Variants in CRYL1 observed in about 807,000 individuals in gnomAD.
The protein encoded by CRYL1 is crystallin lambda 1.
A neutral mutation model predicts 36.6 loss-of-function variants in CRYL1; 29 were observed. The observed-to-expected ratio is 0.79, with a 90% CI of 0.59 to 1.08. The LOEUF (loss-of-function observed/expected upper bound fraction) is 1.08. Ranked by LOEUF, CRYL1 falls within the 50% of genes least tolerant of loss-of-function variation. The pLI, the probability that CRYL1 is intolerant of heterozygous loss-of-function variation, is 0.00. For synonymous variants in CRYL1, 152 were observed against 151.5 expected, an observed-to-expected ratio of 1.00 and a Z score of -0.02; for missense variants, 411 against 407.9, an observed-to-expected ratio of 1.01 and a Z score of -0.06.
intron 2 of CRYL1, among the ~76,000 whole-genome samples, chr13:20,499,040 G>T (rs1332125525): frequency 6.6e-6 from 1 of 152,198 alleles, no homozygotes; most frequent in East Asian, 1.9e-4. Flanking sequence ...TTAGGCTTAT[G>T]TGTTATGTTA....
intron 4 of CRYL1, among the ~76,000 whole-genome samples, chr13:20,438,969 C>T (rs2032292033): frequency 6.6e-6 from 1 of 152,090 alleles, no homozygotes; most frequent in South Asian, 2.1e-4. Context: ...ACTCATTGTC[C>T]CAGGCACCTC....
chr13:20,495,981 T>A (rs2033599062), intron 2 of CRYL1, among the ~76,000 whole-genome samples: 1 of 152,188 alleles, frequency 6.6e-6, no homozygotes, highest in Non-Finnish European at 1.5e-5. Context: ...TATTTTTTAG[T>A]GGAGACGGGT....
chr13:20,462,322 T>G (rs1174862595), intron 3 of CRYL1, among the ~76,000 whole-genome samples: 1 of 151,448 alleles, frequency 6.6e-6, no homozygotes, highest in Non-Finnish European at 1.5e-5. Context: ...ATTTCAACAC[T>G]CATACAATAA....
chr13:20,420,635 C>T (rs2031777835), intron 5 of CRYL1, among the ~76,000 whole-genome samples: 1 of 149,608 alleles, frequency 6.7e-6, no homozygotes, highest in Non-Finnish European at 1.5e-5. Context: ...AAAATGAAAG[C>T]AATTGACTTA....
At chr13:20,423,615 A>C (rs2031867441) in intron 5 of CRYL1, among the ~76,000 whole-genome samples, 1 of 151,658 alleles carries the variant, frequency 6.6e-6, no homozygotes, top group African/African-American at 2.4e-5. Flanking sequence ...ATTCCCCTTG[A>C]TTATGTTATT....
At chr13:20,433,519 T>C (rs1382672619) in intron 4 of CRYL1, among the ~76,000 whole-genome samples, 1 of 152,224 alleles carries the variant, frequency 6.6e-6, no homozygotes, top group Non-Finnish European at 1.5e-5. Context: ...AGGGCCATCC[T>C]GGGCACCTGC....
At chr13:20,485,458 T>C (rs1002641432) in intron 3 of CRYL1, among the ~76,000 whole-genome samples, 1 of 151,944 alleles carries the variant, frequency 6.6e-6, no homozygotes, top group African/African-American at 2.4e-5. Flanking sequence ...AGGTCAGGAG[T>C]TAGAGAGCAG....
chr13:20,415,401 G>A lies in CRYL1; in HGVS notation c.634-2014C>T, dbSNP rs2031635563. 6.6e-6 allele frequency among the ~76,000 whole-genome samples: 1 copy of A among 152,086 alleles called. No individual in the cohort carries two copies. Among genetic ancestry groups the A allele is most frequent in the Non-Finnish European group, 1.5e-5 (1 of 67,986 alleles). On this transcript the variant is annotated intron_variant, in intron 5 of 7. Transcript: ENST00000298248. The surrounding 1 kb of genome is among the most constrained non-coding windows in gnomAD (Gnocchi z 4.1). ...TGCCCCGCAACCGGCTGCGGCGGGC[G>A]ACAGCCAGGTGCCTCAGGTCCGTGT...
At chr13:20,439,427 T>C in intron 4 of CRYL1, among the ~76,000 whole-genome samples, 166 bp downstream of exon 4, 1 of 149,410 alleles carries the variant, frequency 6.7e-6, no homozygotes, top group Non-Finnish European at 1.5e-5. Context: ...CAATTTGAAC[T>C]GGCAAATTGT....
At chr13:20,511,870 A>G (rs2033922917) in intron 2 of CRYL1, among the ~76,000 whole-genome samples, 1 of 152,216 alleles carries the variant, frequency 6.6e-6, no homozygotes, top group Non-Finnish European at 1.5e-5. Flanking sequence ...CCGCATTCTT[A>G]GCACTCAGCA....
chr13:20,438,502 A>G (rs1351163615), intron 4 of CRYL1, among the ~76,000 whole-genome samples: 1 of 152,098 alleles, frequency 6.6e-6, no homozygotes, highest in Non-Finnish European at 1.5e-5. Context: ...GATTCTCCAG[A>G]CCCAACTGTT....
chr13:20,427,351 T>C (rs1037090453), intron 5 of CRYL1: 2 of 983,120 alleles, frequency 2.0e-6, no homozygotes, highest in African/African-American at 3.5e-5. Context: ...GATGGCACAA[T>C]AGACCTGGCT....
intron 5 of CRYL1, chr13:20,426,833 C>T (rs1565960128): frequency 2.0e-6 from 2 of 985,534 alleles, no homozygotes; most frequent in Non-Finnish European, 1.2e-6. Context: ...TCCAGATGCC[C>T]CAGACCACAC....
At chr13:20,419,227 G>A (rs1392998137) in intron 5 of CRYL1, 1 of 152,234 alleles carries the variant, frequency 6.6e-6, no homozygotes, top group Non-Finnish European at 1.5e-5. Context: ...ATCCCTCTGA[G>A]AAACATCCAG....
At chr13:20,431,235 GGT>G (rs1367559650) in intron 5 of CRYL1, 5 of 985,436 alleles carry the variant, frequency 5.1e-6, no homozygotes, top group Non-Finnish European at 6.0e-6. Context: ...GGCAAGGCTC[GGT>G]GTGTGTCCAT....
chr13:20,517,329 AG>A (rs2034017272), intron 1 of CRYL1, among the ~76,000 whole-genome samples: 1 of 152,148 alleles, frequency 6.6e-6, no homozygotes, highest in African/African-American at 2.4e-5. Flanking sequence ...GGCCGGGTGC[AG>A]TGGCTCACAC....
chr13:20,488,568 C>T (rs951358275), intron 3 of CRYL1, among the ~76,000 whole-genome samples: 11 of 152,138 alleles, frequency 7.2e-5, no homozygotes, highest in African/African-American at 2.4e-4. Flanking sequence ...ACAGCCTTTT[C>T]GGTTTGCTTC....
chr13:20,497,046 G>T (rs988906419), intron 2 of CRYL1, among the ~76,000 whole-genome samples: 1 of 152,122 alleles, frequency 6.6e-6, no homozygotes, highest in Non-Finnish European at 1.5e-5. Flanking sequence ...GCTCCTGAGA[G>T]ACGTGGAAAA....
chr13:20,499,639 G>A (rs923963447), intron 2 of CRYL1, among the ~76,000 whole-genome samples: 4 of 152,152 alleles, frequency 2.6e-5, no homozygotes, highest in East Asian at 1.9e-4. Flanking sequence ...GTGACAGAGC[G>A]AGACTCTGAC....
Sources: gnomAD v4.1 joint callset for allele counts (sites outside exome capture counted in the v4.1 genomes callset) on GRCh38, gnomAD v4.1.1 for gene constraint, Gnocchi (gnomAD v3.1) non-coding constraint, MANE v1.5 for transcripts, NCBI Gene and HGNC (gene_info 2026-07-23, HGNC 2026-07-21) for gene names.